The following FAM161B variants were observed in gnomAD, a reference collection of about 807,000 sequenced individuals.
FAM161B encodes FAM161 centrosomal protein B.
A neutral mutation model predicts 61.5 loss-of-function variants in FAM161B; 46 were observed. The observed-to-expected ratio is 0.75, with a 90% confidence interval of 0.59 to 0.96. The LOEUF (loss-of-function observed/expected upper bound fraction) is 0.96, where lower values mean the gene tolerates loss of function less well. Ranked by LOEUF, FAM161B falls within the 40% of genes least tolerant of loss-of-function variation. The pLI is 0.00. For missense variants in FAM161B, 774 were observed against 800.7 expected (o/e 0.97, Z 0.40); for synonymous variants, 284 against 302.7 (o/e 0.94, Z 0.64).
chr14:73,943,020 T>C (rs866287559), intron 3 of FAM161B, among the ~76,000 whole-genome samples: 1 of 151,880 alleles, frequency 6.6e-6, no homozygotes, highest in Non-Finnish European at 1.5e-5. Flanking sequence ...GCAGTGACCA[T>C]CTACACTTAC....
intron 3 of FAM161B, 101 bp downstream of exon 3, chr14:73,944,234 C>A (rs1334378619): frequency 6.6e-7 from 1 of 1,507,642 alleles, no homozygotes; most frequent in African/African-American, 1.4e-5. Context: ...ACCCAAGCAG[C>A]AAATCTCCAA....
At chr14:73,936,793 T>G (rs1749237635) in intron 7 of FAM161B, among the ~76,000 whole-genome samples, 1 of 152,178 alleles carries the variant, frequency 6.6e-6, no homozygotes, top group East Asian at 1.9e-4. Flanking sequence ...AGCAAATGCC[T>G]AGACAATGTA....
intron 1 of FAM161B, among the ~76,000 whole-genome samples, chr14:73,949,305 A>G (rs1452589747): frequency 6.6e-6 from 1 of 152,072 alleles, no homozygotes; most frequent in Non-Finnish European, 1.5e-5. Flanking sequence ...GGGTTTCTCC[A>G]TGTTGGTCAG....
chr14:73,930,282 T>C (rs897420462), downstream of FAM161B, among the ~76,000 whole-genome samples: 3 of 152,190 alleles, frequency 2.0e-5, no homozygotes, highest in African/African-American at 7.2e-5. Flanking sequence ...ATTTTTTCTT[T>C]AGATTTTGTT....
In FAM161B at chr14:73,932,665, C is replaced by G. The variant is rs2055934110; in HGVS notation, c.*1591G>C. The G allele has an allele frequency of 2.7e-6, 1 of 363,770 alleles. No individual in the cohort carries two copies. The highest frequency in any genetic ancestry group is 5.3e-6 in the Non-Finnish European group (1 of 188,416). 22.5% of individuals were successfully genotyped at this position (363,770 alleles called of 1,614,324 possible). On this transcript the variant is annotated 3_prime_UTR_variant, in exon 9 of 9. Coordinates refer to ENST00000286544, the MANE Select transcript of FAM161B (RefSeq NM_152445.3). ...TTTGAGATGGGGTCTTGCTCTGTCA[C>G]CCAGGCTGGAGTGCAGTAGTGTAAT...
At chr14:73,945,034 C>T (rs1421869390) in intron 2 of FAM161B, 149 bp from the exon 3 acceptor site, 2 of 542,846 alleles carry the variant, frequency 3.7e-6, no homozygotes, top group African/African-American at 3.8e-5. Context: ...TGTCCATGAC[C>T]TTCCCACAGA....
intron 8 of FAM161B, among the ~76,000 whole-genome samples, chr14:73,934,767 G>A (rs2055957209): frequency 6.6e-6 from 1 of 152,136 alleles, no homozygotes; most frequent in African/African-American, 2.4e-5. Context: ...AAGTCTTAAA[G>A]CACTGTGTAA....
intron 2 of FAM161B, 76 bp downstream of exon 2, chr14:73,946,210 A>C: frequency 7.0e-7 from 1 of 1,432,758 alleles, no homozygotes; most frequent in East Asian, 2.3e-5. Context: ...TTTACAGAGG[A>C]AGATGAAGCC....
chr14:73,923,616 C>G, the FAM161B span: 1 of 1,475,172 alleles, frequency 6.8e-7, no homozygotes. Context: ...GTTTCCATTT[C>G]CTGGAAACTT....
At chr14:73,940,566 G>A (rs2056009199) in intron 5 of FAM161B, among the ~76,000 whole-genome samples, 2 of 151,936 alleles carry the variant, frequency 1.3e-5, no homozygotes, top group African/African-American at 2.4e-5. Flanking sequence ...GCTCCAGGCT[G>A]CCCAGTGCCC....
chr14:73,947,253 C>T (rs576187917), intron 1 of FAM161B, among the ~76,000 whole-genome samples: 3 of 151,964 alleles, frequency 2.0e-5, no homozygotes, highest in South Asian at 2.1e-4. Flanking sequence ...GGCGTGGTGG[C>T]GGGTGCCTGT....
chr14:73,946,971 T>C (rs979662839), intron 1 of FAM161B, among the ~76,000 whole-genome samples: 5 of 152,158 alleles, frequency 3.3e-5, no homozygotes, highest in African/African-American at 1.2e-4. Context: ...CTGCCCATGA[T>C]GATGGCCACA....
At chr14:73,927,501 G>A (rs1240549959), downstream of FAM161B, among the ~76,000 whole-genome samples, 1 of 152,164 alleles carries the variant, frequency 6.6e-6, no homozygotes, top group Non-Finnish European at 1.5e-5. Flanking sequence ...ATTCGAGCAA[G>A]CCAACCCACA....
At position 73,934,206 on chromosome 14, in the gene FAM161B, C is replaced by G. The variant is rs368069401; in HGVS notation, c.*50G>C. 10 of 1,590,994 alleles carry G rather than the reference C, an allele frequency of 6.3e-6. No individual in the cohort carries two copies. In the African/African-American group the frequency reaches 9.5e-5, roughly 15 times the overall value. On this transcript the variant is annotated 3_prime_UTR_variant, in exon 9 of 9. Transcript: ENST00000286544. ...AGTTTTCCCTGCCTTGACTCAAACC[C>G]AAGTTAGCTGCTTAATATTTTTCAA... is the stretch of plus-strand genomic sequence containing the variant.
Position 73,935,407 on chromosome 14 carries a change from A to G in FAM161B, c.1805+542T>C, listed in dbSNP as rs1294901077. ...GCCAGGCGTGATGGCGGGAGCCTGT[A>G]ATCCCAGCTACTCGGGAGGCTGAGG... On this transcript the variant is annotated intron_variant, in intron 8 of 8. Coordinates refer to ENST00000286544, the MANE Select transcript of FAM161B (RefSeq NM_152445.3). Among the ~76,000 whole-genome samples the G allele has an allele frequency of 2.0e-5, 3 of 152,148 alleles. No homozygotes were observed. In the East Asian group the frequency reaches 5.8e-4, roughly 30 times the overall value.
rs78811542 is a variant in FAM161B, at chr14:73,946,676, C to T, written c.55-71G>A. The T allele has an allele frequency of 8.8e-5, 133 of 1,504,472 alleles. 1 individual carries two copies. In the South Asian group the frequency reaches 1.3e-3, roughly 15 times the overall value. 93.2% of individuals were successfully genotyped at this position (1,504,472 alleles called of 1,614,324 possible). ...AGGTATTCAAATCATAACTTAATTTCGCTTTGAATAAGCTTCTGTATATTA... is the reference window on the plus strand; with the variant it reads ...AGGTATTCAAATCATAACTTAATTTTGCTTTGAATAAGCTTCTGTATATTA... On this transcript the variant is annotated intron_variant, in intron 1 of 8. Transcript: ENST00000286544.
Position 73,932,737 on chromosome 14 carries a change from A to ACCT in FAM161B, c.*1516_*1518dup. 3.3e-6 allele frequency: 1 copy of ACCT among 303,160 alleles called. No individual in the cohort carries two copies. The highest frequency in any genetic ancestry group is 6.4e-6 in the Non-Finnish European group (1 of 156,938). The allele number at this position is 303,160 out of a possible 1,614,324, so 18.8% of individuals were successfully genotyped here. The stretch of plus-strand genomic sequence containing the variant: ...ACTCCTACGCTCAAGGCATCCTCCC[A>ACCT]CCTCAGCCTCCTGAATAGCTAGGAC... On this transcript the variant is annotated 3_prime_UTR_variant, in exon 9 of 9. Coordinates refer to ENST00000286544, the MANE Select transcript of FAM161B (RefSeq NM_152445.3).
At position 73,936,070 on chromosome 14, in the gene FAM161B, C is replaced by G. The variant is rs1349602176; in HGVS notation, c.1684G>C (p.Ala562Pro). The change falls in exon 8 of 9, where the codon GCA (alanine) becomes CCA (proline). Residue 562 changes from alanine to proline, a missense_variant. Coordinates refer to ENST00000286544, the MANE Select transcript of FAM161B (RefSeq NM_152445.3). ...AGGGTGTCTAGATACCACTGTTCTGCTTCTTTCTTGGCTAGATCCTGTGGG... is the reference window on the plus strand; with the variant it reads ...AGGGTGTCTAGATACCACTGTTCTGGTTCTTTCTTGGCTAGATCCTGTGGG... ...QVAKDLAKKE[A>P]EQWYLDTLKQ... is the part of the protein sequence containing the mutation. 6.2e-7 allele frequency: 1 copy of G among 1,609,512 alleles called. No individual in the cohort carries two copies. Among genetic ancestry groups the G allele is most frequent in the Admixed American group, 1.7e-5 (1 of 59,422 alleles).
chr14:73,927,137 G>A, downstream of FAM161B: 1 of 203,124 alleles, frequency 4.9e-6, no homozygotes, highest in Non-Finnish European at 1.1e-5. Context: ...CCAGGCTGGA[G>A]TGCAGTGGCA....
Sources: gnomAD v4.1 joint callset for allele counts (sites outside exome capture counted in the v4.1 genomes callset) on GRCh38, gnomAD v4.1.1 for gene constraint, MANE v1.5 for transcripts, NCBI Gene and HGNC (gene_info 2026-07-23, HGNC 2026-07-21) for gene names.